The following CCDC91 variants were observed in gnomAD, a reference collection of about 807,000 sequenced individuals.
CCDC91 encodes the protein coiled-coil domain containing 91, also known as coiled-coil domain-containing protein 91.
Under a neutral mutation model 63.2 loss-of-function variants are expected in CCDC91, and 48 were observed. The ratio of observed to expected loss-of-function variants is 0.76; its 90% confidence interval spans 0.60 to 0.97. CCDC91 has a LOEUF of 0.97. Among genes scored for constraint, CCDC91 ranks in the 50% least tolerant of loss-of-function variants. The pLI, the probability that CCDC91 is intolerant of heterozygous loss-of-function variation, is 0.00. For missense variants in CCDC91, 500 were observed against 494.6 expected, an observed-to-expected ratio of 1.01 and a Z score of -0.10; for synonymous variants, 167 against 165.8, an observed-to-expected ratio of 1.01 and a Z score of -0.06.
chr12:28,203,494 C>A (rs965345551), intron 1 of CCDC91, among the ~76,000 whole-genome samples: 1 of 152,154 alleles, frequency 6.6e-6, no homozygotes, highest in African/African-American at 2.4e-5. Flanking sequence ...TATAAGAGAT[C>A]ATTTAGGGAT....
intron 6 of CCDC91, among the ~76,000 whole-genome samples, chr12:28,319,653 T>C (rs1231656327): frequency 1.3e-5 from 2 of 151,768 alleles, no homozygotes; most frequent in African/African-American, 2.4e-5. Flanking sequence ...CCTAATACAA[T>C]GTGAATGCTA....
intron 1 of CCDC91, among the ~76,000 whole-genome samples, chr12:28,191,764 A>C (rs1941271731): frequency 6.6e-6 from 1 of 152,118 alleles, no homozygotes; most frequent in Non-Finnish European, 1.5e-5. Context: ...TATTGCGTTG[A>C]GGGGATTGGT....
At chr12:28,302,478 C>A (rs532786554) in intron 3 of CCDC91, among the ~76,000 whole-genome samples, 2 of 152,074 alleles carry the variant, frequency 1.3e-5, no homozygotes, top group African/African-American at 4.8e-5. Context: ...CAAACTTTGG[C>A]TTAGAAGAGT....
At chr12:28,479,877 A>G (rs61373016) in intron 11 of CCDC91, among the ~76,000 whole-genome samples, 2,502 of 152,094 alleles carry the variant, frequency 0.016, 74 homozygotes, top group African/African-American at 0.057. Flanking sequence ...GATATATCAT[A>G]TGGGGTGAGG....
chr12:28,384,110 A>G (rs918786430), intron 7 of CCDC91, among the ~76,000 whole-genome samples: 6 of 152,060 alleles, frequency 3.9e-5, no homozygotes, highest in Non-Finnish European at 8.8e-5. Flanking sequence ...TTTGGATACT[A>G]TTTCTTCATT....
intron 10 of CCDC91, among the ~76,000 whole-genome samples, chr12:28,452,002 A>G (rs1949824261): frequency 6.6e-6 from 1 of 151,442 alleles, no homozygotes; most frequent in Non-Finnish European, 1.5e-5. Context: ...ATTTACAGAC[A>G]CATACAGTAG....
chr12:28,257,930 A>AT (rs71438740), intron 2 of CCDC91, among the ~76,000 whole-genome samples: 68,459 of 143,196 alleles, frequency 0.48, 16,525 homozygotes, highest in East Asian at 0.61. Flanking sequence ...GAATGCTGTG[A>AT]TTTTTTTTTT....
chr12:28,384,191 A>G (rs1348422351), intron 7 of CCDC91, among the ~76,000 whole-genome samples: 1 of 152,094 alleles, frequency 6.6e-6, no homozygotes, highest in Admixed American at 6.6e-5. Context: ...AGAAATGTAT[A>G]TTAATAGACA....
intron 1 of CCDC91, among the ~76,000 whole-genome samples, chr12:28,192,896 A>AAC (rs397737056): frequency 1.3e-5 from 2 of 151,832 alleles, no homozygotes; most frequent in Admixed American, 1.3e-4. Context: ...ATCATTCTAA[A>AAC]GTTTCCTCCC....
chr12:28,441,122 G>T (rs377522009), intron 8 of CCDC91, among the ~76,000 whole-genome samples: 14 of 135,250 alleles, frequency 1.0e-4, no homozygotes, highest in East Asian at 8.6e-4. Context: ...TATAAGAATG[G>T]CCAATAAGCA....
At position 28,450,242 on chromosome 12, in the gene CCDC91, C is replaced by G; in HGVS notation, c.844C>G (p.Gln282Glu). Residue 282 changes from glutamine (Q) to glutamate (E), a missense_variant, in exon 9 of 13, where the codon CAA becomes GAA. Coordinates refer to ENST00000536442, the MANE Select transcript of CCDC91 (RefSeq NM_018318.5). ...AAAGGAAGCTTTGATTCAGCAATCT[C>G]AAGAACAGAAGGTAATACTTTAACT... ...KIKEALIQQS[Q>E]EQKEILEKCL... 1.2e-6 allele frequency: 2 copies of G among 1,605,674 alleles called. No homozygotes were observed. The highest frequency in any genetic ancestry group is 1.7e-6 in the Non-Finnish European group (2 of 1,173,302).
At chr12:28,492,569 T>G (rs1201619923) in intron 12 of CCDC91, among the ~76,000 whole-genome samples, 1 of 151,430 alleles carries the variant, frequency 6.6e-6, no homozygotes, top group Non-Finnish European at 1.5e-5. Flanking sequence ...ATACTAGCAA[T>G]TTCACTTTAC....
intron 7 of CCDC91, among the ~76,000 whole-genome samples, chr12:28,364,014 C>G (rs1592436020): frequency 7.4e-6 from 1 of 135,476 alleles, no homozygotes; most frequent in Non-Finnish European, 1.5e-5. Context: ...CTAGATATGT[C>G]TTAGGACATG....
At chr12:28,504,587 A>G (rs949821391) in intron 12 of CCDC91, among the ~76,000 whole-genome samples, 1 of 151,746 alleles carries the variant, frequency 6.6e-6, no homozygotes, top group African/African-American at 2.4e-5. Context: ...ACTCTTATCA[A>G]CTCTTGCTGT....
chr12:28,197,803 C>G (rs1046451658), intron 1 of CCDC91, among the ~76,000 whole-genome samples: 23 of 152,034 alleles, frequency 1.5e-4, no homozygotes, highest in African/African-American at 5.1e-4. Context: ...TTTATATCCT[C>G]TTAAGTCTAT....
chr12:28,442,115 T>C (rs1160318956), intron 8 of CCDC91, among the ~76,000 whole-genome samples: 1 of 152,094 alleles, frequency 6.6e-6, no homozygotes, highest in Non-Finnish European at 1.5e-5. Context: ...GTTCAAAGCA[T>C]TCTGCAGTAA....
chr12:28,443,010 A>G (rs1488625565), intron 8 of CCDC91, among the ~76,000 whole-genome samples: 2 of 152,036 alleles, frequency 1.3e-5, no homozygotes, highest in African/African-American at 4.8e-5. Flanking sequence ...GTGTCTGTAT[A>G]TGGATTGTAT....
intron 3 of CCDC91, among the ~76,000 whole-genome samples, chr12:28,304,174 C>T (rs1451104237): frequency 2.6e-5 from 4 of 151,230 alleles, no homozygotes; most frequent in Admixed American, 2.0e-4. Context: ...GTCAGGAGAT[C>T]GAGACTATCC....
intron 6 of CCDC91, among the ~76,000 whole-genome samples, chr12:28,309,472 C>T (rs969348996): frequency 6.6e-6 from 1 of 152,008 alleles, no homozygotes; most frequent in Non-Finnish European, 1.5e-5. Flanking sequence ...GTTAAATTTC[C>T]TATCTAAATC....
Sources: allele counts gnomAD v4.1 joint callset (sites outside exome capture counted in the v4.1 genomes callset), GRCh38; gene constraint gnomAD v4.1.1; transcripts MANE v1.5; gene names NCBI Gene and HGNC (gene_info 2026-07-23, HGNC 2026-07-21).